The following SPATA17 variants were observed in gnomAD, a reference collection of about 807,000 sequenced individuals.
SPATA17 encodes spermatogenesis-associated protein 17.
Under a neutral mutation model 62.2 loss-of-function variants are expected in SPATA17, and 53 were observed. That is an observed-to-expected ratio of 0.85 (90% confidence interval 0.68 to 1.07). SPATA17 has a LOEUF of 1.07. SPATA17 is among the 50% of genes least tolerant of loss of function. The probability of loss-of-function intolerance (pLI) is 0.00; values close to 1 mark genes in which losing one functional copy is unlikely to be tolerated. For missense variants in SPATA17, 466 were observed against 425.5 expected (o/e 1.10, Z -0.84); for synonymous variants, 146 against 146.8 (o/e 0.99, Z 0.04).
chr1:217,821,822 G>A (rs1558064883), intron 9 of SPATA17, among the ~76,000 whole-genome samples: 1 of 152,014 alleles, frequency 6.6e-6, no homozygotes, highest in Admixed American at 6.6e-5. Context: ...GTAATGCTAA[G>A]GGGAGCACTC....
At chr1:217,782,048 C>T in intron 7 of SPATA17, 126 bp from the exon 8 acceptor site, 1 of 883,076 alleles carries the variant, frequency 1.1e-6, no homozygotes, top group Non-Finnish European at 1.6e-6. Flanking sequence ...CAGCGAAGAA[C>T]AAATGGTGTT....
intron 5 of SPATA17, among the ~76,000 whole-genome samples, chr1:217,691,021 G>A (rs1671342016): frequency 6.9e-6 from 1 of 145,024 alleles, no homozygotes; most frequent in Non-Finnish European, 1.5e-5. Flanking sequence ...GGGATGGCTG[G>A]GTCAAATGGT....
At chr1:217,669,135 T>C (rs762250541) in intron 4 of SPATA17, 52 bp downstream of exon 4, 33 of 1,530,270 alleles carry the variant, frequency 2.2e-5, no homozygotes, top group Non-Finnish European at 2.7e-5. Flanking sequence ...GTGCCCTGAA[T>C]TCGCTTTTAA....
chr1:217,714,727 C>T (rs548447496), intron 5 of SPATA17, among the ~76,000 whole-genome samples: 2 of 151,936 alleles, frequency 1.3e-5, no homozygotes, highest in Admixed American at 6.6e-5. Context: ...CCTCATGATC[C>T]GCCCGCCTCG....
At chr1:217,703,658 C>G (rs1444165909) in intron 5 of SPATA17, among the ~76,000 whole-genome samples, 1 of 151,988 alleles carries the variant, frequency 6.6e-6, no homozygotes, top group Non-Finnish European at 1.5e-5. Flanking sequence ...GATGAGCTGC[C>G]TTAATTTTAT....
At chr1:217,844,136 C>T (rs1279097927) in intron 9 of SPATA17, among the ~76,000 whole-genome samples, 1 of 152,102 alleles carries the variant, frequency 6.6e-6, no homozygotes. Context: ...TTTTATCCCT[C>T]ACAGCAAAAG....
chr1:217,840,353 A>T (rs1030802803), intron 9 of SPATA17, among the ~76,000 whole-genome samples: 1 of 152,116 alleles, frequency 6.6e-6, no homozygotes, highest in South Asian at 2.1e-4. Context: ...ACTGACACAT[A>T]TTGAGAAAGA....
At chr1:217,655,460 A>G (rs1006597469) in intron 3 of SPATA17, among the ~76,000 whole-genome samples, 13 of 152,052 alleles carry the variant, frequency 8.5e-5, no homozygotes, top group Non-Finnish European at 1.9e-4. Context: ...TCAACTTACT[A>G]TTTGTCTCTC....
chr1:217,766,963 T>C (rs1212813169), intron 6 of SPATA17, among the ~76,000 whole-genome samples: 1 of 152,172 alleles, frequency 6.6e-6, no homozygotes, highest in African/African-American at 2.4e-5. Flanking sequence ...GTGTACTTAA[T>C]GTTTATCTCC....
chr1:217,837,410 C>G lies in SPATA17; in HGVS notation c.1006-25364C>G, dbSNP rs146886303. The stretch of plus-strand genomic sequence containing the variant: ...TTCCCTGCAGGGATACATATTAACT[C>G]TTTAATTGCTGCACTGTGGGGTAAT... On this transcript the variant is annotated intron_variant, in intron 9 of 10. Coordinates refer to ENST00000366933, the MANE Select transcript of SPATA17 (RefSeq NM_138796.4). Among the ~76,000 whole-genome samples the G allele has an allele frequency of 1.1e-3, 165 of 152,136 alleles. 1 individual carries two copies. Among genetic ancestry groups the G allele is most frequent in the Middle Eastern group, 6.8e-3 (2 of 294 alleles).
intron 3 of SPATA17, among the ~76,000 whole-genome samples, chr1:217,657,049 A>G (rs1421270837): frequency 5.9e-5 from 9 of 152,156 alleles, no homozygotes; most frequent in East Asian, 1.9e-4. Flanking sequence ...CCTTCATTCA[A>G]AAGATGTCCA....
intron 4 of SPATA17, among the ~76,000 whole-genome samples, chr1:217,682,297 G>A (rs1294411892): frequency 6.6e-6 from 1 of 151,470 alleles, no homozygotes; most frequent in Non-Finnish European, 1.5e-5. Context: ...ATGGTTCCTG[G>A]GGTTGTATAA....
intron 5 of SPATA17, among the ~76,000 whole-genome samples, chr1:217,735,583 A>G (rs577422394): frequency 6.6e-6 from 1 of 152,334 alleles, no homozygotes; most frequent in South Asian, 2.1e-4. Context: ...ATGCATACCT[A>G]CAACTATAAT....
chr1:217,742,858 G>A (rs1672652590), intron 6 of SPATA17, among the ~76,000 whole-genome samples: 1 of 151,916 alleles, frequency 6.6e-6, no homozygotes, highest in Non-Finnish European at 1.5e-5. Context: ...GAGTCACATA[G>A]TTGAATGTCT....
chr1:217,712,128 C>CTTTTT (rs551988828), intron 5 of SPATA17, among the ~76,000 whole-genome samples: 4,689 of 133,930 alleles, frequency 0.035, 441 homozygotes, highest in African/African-American at 0.12. Flanking sequence ...ACAATATGTT[C>CTTTTT]TTTTGTTTTT....
intron 5 of SPATA17, among the ~76,000 whole-genome samples, chr1:217,699,468 A>C (rs187749503): frequency 6.6e-6 from 1 of 152,166 alleles, no homozygotes; most frequent in East Asian, 1.9e-4. Context: ...AAAGTTTAAT[A>C]CCTTTTCATG....
intron 5 of SPATA17, among the ~76,000 whole-genome samples, chr1:217,687,895 A>G (rs1331904571): frequency 1.3e-5 from 2 of 152,198 alleles, no homozygotes; most frequent in African/African-American, 2.4e-5. Context: ...TATTGTAACC[A>G]TTTAACTCTT....
chr1:217,745,431 T>A lies in SPATA17; in HGVS notation c.519+3333T>A, dbSNP rs367709178. On this transcript the variant is annotated intron_variant, in intron 6 of 10. Transcript: ENST00000366933. ...GGGATTAGTTTTACTGACAGAATGA[T>A]ACTGGAAAGTTCATATGTTCTCTTC... Among the ~76,000 whole-genome samples the A allele has an allele frequency of 5.3e-4, 81 of 152,284 alleles. 1 individual carries two copies. The highest frequency in any genetic ancestry group is 1.8e-3 in the African/African-American group (73 of 41,574).
chr1:217,866,357 T>G (rs961333659), intron 10 of SPATA17: 1 of 152,198 alleles, frequency 6.6e-6, no homozygotes, highest in African/African-American at 2.4e-5. Flanking sequence ...GAAGATGTTT[T>G]GCTATGTTTT....
Sources: gnomAD v4.1 joint callset for allele counts (sites outside exome capture counted in the v4.1 genomes callset) on GRCh38, gnomAD v4.1.1 for gene constraint, MANE v1.5 for transcripts, NCBI Gene and HGNC (gene_info 2026-07-23, HGNC 2026-07-21) for gene names.